BCAS3: variants seen among roughly 807,000 people sequenced by gnomAD.
BCAS3 encodes BCAS3 microtubule associated cell migration factor.
Under a neutral mutation model 116.1 loss-of-function variants are expected in BCAS3, and 53 were observed. That is an observed-to-expected ratio of 0.46 (90% CI 0.37 to 0.57). The LOEUF is 0.57. Among genes scored for constraint, BCAS3 ranks in the 20% least tolerant of loss-of-function variants. The pLI, the probability that BCAS3 is intolerant of heterozygous loss-of-function variation, is 0.00. For missense variants in BCAS3, 917 were observed against 1,165.4 expected (o/e 0.79, Z 3.10); for synonymous variants, 391 against 408.2 (o/e 0.96, Z 0.51).
chr17:61,033,998 G>A (rs1210242207), intron 16 of BCAS3, among the ~76,000 whole-genome samples: 1 of 152,096 alleles, frequency 6.6e-6, no homozygotes, highest in Non-Finnish European at 1.5e-5. Flanking sequence ...TTCCACCTTG[G>A]TCTTTTTCTC....
At chr17:61,234,709 C>T (rs766872729) in intron 22 of BCAS3, among the ~76,000 whole-genome samples, 7 of 151,194 alleles carry the variant, frequency 4.6e-5, no homozygotes, top group Non-Finnish European at 7.4e-5. Flanking sequence ...GCCTGTCCTG[C>T]GCCAGGGCCT....
chr17:61,059,487 A>G (rs2069759082), intron 19 of BCAS3, among the ~76,000 whole-genome samples: 1 of 152,166 alleles, frequency 6.6e-6, no homozygotes, highest in Non-Finnish European at 1.5e-5. Context: ...GCTTGGATAG[A>G]AAAAAGAAAC....
chr17:61,381,907 C>T lies in BCAS3; in HGVS notation c.2594-10070C>T, dbSNP rs547778164. On this transcript the variant is annotated intron_variant, in intron 23 of 23. Coordinates refer to ENST00000407086, the MANE Select transcript of BCAS3 (RefSeq NM_017679.5). This position sits in a 1 kb window ranked among gnomAD's most constrained non-coding sequence, Gnocchi z 6.0. ...ATTAATCTAGAAAATTCTCTCCTATCCCCAACTGGTCATCCTCTCCCCAAC... is the reference window on the plus strand; with the variant it reads ...ATTAATCTAGAAAATTCTCTCCTATTCCCAACTGGTCATCCTCTCCCCAAC... Among the ~76,000 whole-genome samples, 42 of 152,316 alleles carry T rather than the reference C, an allele frequency of 2.8e-4. No homozygotes were observed. Among genetic ancestry groups the T allele is most frequent in the Admixed American group, 2.2e-3 (34 of 15,296 alleles).
intron 7 of BCAS3, among the ~76,000 whole-genome samples, chr17:60,850,691 C>G (rs565037284): frequency 6.6e-6 from 1 of 152,162 alleles, no homozygotes; most frequent in South Asian, 2.1e-4. Flanking sequence ...GCTTCTTTTA[C>G]TTAGCAATAT....
At chr17:61,305,725 G>A (rs4643395) in intron 22 of BCAS3, among the ~76,000 whole-genome samples, 21,140 of 151,970 alleles carry the variant, frequency 0.14, 1,558 homozygotes, top group Middle Eastern at 0.19. Context: ...GTGAAACCCC[G>A]TCTCTACTAA....
intron 9 of BCAS3, among the ~76,000 whole-genome samples, chr17:60,882,907 A>G (rs2056311032): frequency 1.6e-5 from 2 of 124,588 alleles, no homozygotes; most frequent in Non-Finnish European, 3.3e-5. Context: ...TTGGCTTAGG[A>G]TTGACTTGGC....
Position 61,220,537 on chromosome 17 carries a change from T to A in BCAS3, c.2425+135973T>A, listed in dbSNP as rs1463742773. Among the ~76,000 whole-genome samples, 1 of 152,140 alleles carries A rather than the reference T, an allele frequency of 6.6e-6. No homozygotes were observed. Among genetic ancestry groups the A allele is most frequent in the Non-Finnish European group, 1.5e-5 (1 of 68,012 alleles). On this transcript the variant is annotated intron_variant, in intron 22 of 23. Transcript: ENST00000407086. The surrounding 1 kb of genome is among the most constrained non-coding windows in gnomAD (Gnocchi z 4.5). Reference sequence around the variant, plus strand: ...CTTCAAATTTTAGGATTAAACAGAATGGATATCCACTCCACCTGGAATTCT... The same window carrying A: ...CTTCAAATTTTAGGATTAAACAGAAAGGATATCCACTCCACCTGGAATTCT...
intron 22 of BCAS3, among the ~76,000 whole-genome samples, chr17:61,340,685 A>G (rs1230941596): frequency 6.6e-6 from 1 of 150,884 alleles, no homozygotes; most frequent in Non-Finnish European, 1.5e-5. Context: ...CCAGGCCGGT[A>G]TGGCCAAGGG....
chr17:61,376,968 A>G lies in BCAS3; in HGVS notation c.2593+8474A>G, dbSNP rs1326859670. ...GCCAGTTTCTTCCCCAATAGGCTGG[A>G]GAAAAATAAGAGAGACAAGTTTCCT... On this transcript the variant is annotated intron_variant, in intron 23 of 23. Transcript: ENST00000407086. This position sits in a 1 kb window ranked among gnomAD's most constrained non-coding sequence, Gnocchi z 4.5. Among the ~76,000 whole-genome samples the G allele has an allele frequency of 6.6e-6, 1 of 152,188 alleles. No individual in the cohort carries two copies. The highest frequency in any genetic ancestry group is 2.4e-5 in the African/African-American group (1 of 41,442).
rs369969114 is a variant in BCAS3 at position 60,874,751 on chromosome 17, T to C, written c.661+13T>C. The stretch of plus-strand genomic sequence containing the variant: ...TTCTTTGTTACAAGTATGTACCAAT[T>C]TTTTTTCCCTTCTTATGCCTTTGGG... On this transcript the variant is annotated intron_variant, in intron 9 of 23. Transcript: ENST00000407086. 46 of 1,585,242 alleles carry C rather than the reference T, an allele frequency of 2.9e-5. No homozygotes were observed. In the African/African-American group the frequency reaches 5.0e-4, roughly 17 times the overall value.
Position 61,059,063 on chromosome 17 carries a change from C to CTTTTTTTTTTTTTTTTTTTTTTTT in BCAS3, c.2030-15843_2030-15820dup, listed in dbSNP as rs869090870. On this transcript the variant is annotated intron_variant, in intron 19 of 23. Coordinates refer to ENST00000407086, the MANE Select transcript of BCAS3 (RefSeq NM_017679.5). Reference sequence around the variant, plus strand: ...TCCCCGAACTCTTTTTTCTCCCCATCTTTTTTTTTTTTTTTTTTTTTTTTT... The same window carrying CTTTTTTTTTTTTTTTTTTTTTTTT: ...TCCCCGAACTCTTTTTTCTCCCCATCTTTTTTTTTTTTTTTTTTTTTTTTTTTTTTTTTTTTTTTTTTTTTTTTT... 2.7e-4 allele frequency among the ~76,000 whole-genome samples: 9 copies of CTTTTTTTTTTTTTTTTTTTTTTTT among 32,802 alleles called. 2 individuals carry two copies. The highest frequency in any genetic ancestry group is 3.9e-4 in the African/African-American group (4 of 10,190). 21.5% of individuals were successfully genotyped at this position (32,802 alleles called of 152,430 possible). A position where few individuals can be genotyped will look rare whatever the true frequency, so the allele number is the denominator to read the frequency against.
intron 5 of BCAS3, among the ~76,000 whole-genome samples, chr17:60,742,360 G>GA (rs1336810378): frequency 2.1e-5 from 3 of 144,844 alleles, no homozygotes; most frequent in East Asian, 4.2e-4. Context: ...GTAATCCATA[G>GA]AAAAAACACA....
intron 22 of BCAS3, among the ~76,000 whole-genome samples, chr17:61,357,246 AAAT>A (rs1182368138): frequency 1.5e-5 from 2 of 136,672 alleles, no homozygotes; most frequent in Non-Finnish European, 3.1e-5. Context: ...TATCTACAAA[AAAT>A]AAATAAATAA....
intron 23 of BCAS3, among the ~76,000 whole-genome samples, chr17:61,369,616 C>CCT (rs1409589996): frequency 1.3e-5 from 2 of 152,202 alleles, no homozygotes; most frequent in Non-Finnish European, 2.9e-5. Context: ...TCCCTCCGTT[C>CCT]CTTCACTAAG....
At chr17:61,002,091 T>C (rs1434159008) in intron 15 of BCAS3, among the ~76,000 whole-genome samples, 8 of 152,044 alleles carry the variant, frequency 5.3e-5, no homozygotes, top group Admixed American at 5.2e-4. Flanking sequence ...TGGGGGGAAA[T>C]AAAATTGCCA....
At chr17:61,067,320 T>TATAC (rs2070780399) in intron 19 of BCAS3, among the ~76,000 whole-genome samples, 2 of 138,286 alleles carry the variant, frequency 1.4e-5, no homozygotes, top group African/African-American at 5.4e-5. Flanking sequence ...TATATATTTA[T>TATAC]ACAGACTTGG....
chr17:61,361,208 A>G lies in BCAS3; in HGVS notation c.2426-7119A>G, dbSNP rs1206208695. ...GAAAAAGAATTAAAAAAAAAAAAAGAAAAGACCCAGACGGAGTAGCAACTT... is the reference window on the plus strand; with the variant it reads ...GAAAAAGAATTAAAAAAAAAAAAAGGAAAGACCCAGACGGAGTAGCAACTT... On this transcript the variant is annotated intron_variant, in intron 22 of 23. Coordinates refer to ENST00000407086, the MANE Select transcript of BCAS3 (RefSeq NM_017679.5). The surrounding 1 kb of genome is among the most constrained non-coding windows in gnomAD (Gnocchi z 6.5). 6.7e-6 allele frequency among the ~76,000 whole-genome samples: 1 copy of G among 149,502 alleles called. No individual in the cohort carries two copies. The highest frequency in any genetic ancestry group is 1.5e-5 in the Non-Finnish European group (1 of 67,962).
chr17:60,753,704 C>G (rs1017936012), intron 6 of BCAS3, among the ~76,000 whole-genome samples: 8 of 152,150 alleles, frequency 5.3e-5, no homozygotes, highest in Non-Finnish European at 8.8e-5. Flanking sequence ...CCACCACGCT[C>G]TGCCGCGTCT....
chr17:60,927,806 T>A (rs1030005724), intron 13 of BCAS3, among the ~76,000 whole-genome samples: 2 of 152,204 alleles, frequency 1.3e-5, no homozygotes, highest in South Asian at 2.1e-4. Flanking sequence ...TTCACATTTA[T>A]ATATAATTCT....
Sources: gnomAD v4.1 joint callset for allele counts (sites outside exome capture counted in the v4.1 genomes callset) on GRCh38, gnomAD v4.1.1 for gene constraint, Gnocchi (gnomAD v3.1) non-coding constraint, MANE v1.5 for transcripts, NCBI Gene and HGNC (gene_info 2026-07-23, HGNC 2026-07-21) for gene names.